The following LIN28B variants were observed in gnomAD, a reference collection of about 807,000 sequenced individuals.
LIN28B encodes the protein protein lin-28 homolog B.
A neutral mutation model predicts 21.9 loss-of-function variants in LIN28B; 5 were observed. That is an observed-to-expected ratio of 0.23 (90% CI 0.12 to 0.48). LIN28B has a LOEUF of 0.48. Among genes scored for constraint, LIN28B ranks in the 20% least tolerant of loss-of-function variants. The pLI, the probability that LIN28B is intolerant of heterozygous loss-of-function variation, is 0.98. For missense variants in LIN28B, 245 were observed against 310.5 expected, an observed-to-expected ratio of 0.79 and a Z score of 1.58; for synonymous variants, 109 against 111.3, an observed-to-expected ratio of 0.98 and a Z score of 0.13.
intron 3 of LIN28B, among the ~76,000 whole-genome samples, chr6:105,051,509 T>C: frequency 6.6e-6 from 1 of 151,834 alleles, no homozygotes; most frequent in East Asian, 1.9e-4. Flanking sequence ...GAATGTTGTA[T>C]ACTACATTCT....
chr6:105,007,111 T>C (rs532178062), intron 2 of LIN28B, among the ~76,000 whole-genome samples: 1 of 152,318 alleles, frequency 6.6e-6, no homozygotes, highest in African/African-American at 2.4e-5. Flanking sequence ...ATGGCTGTAA[T>C]ACTTGAGAAT....
At chr6:104,969,062 TAAC>T (rs1769919908) in intron 2 of LIN28B, among the ~76,000 whole-genome samples, 1 of 152,172 alleles carries the variant, frequency 6.6e-6, no homozygotes, top group Non-Finnish European at 1.5e-5. Context: ...GACATATACG[TAAC>T]ACAGCTCAGT....
intron 3 of LIN28B, among the ~76,000 whole-genome samples, chr6:105,038,687 A>C (rs1771573949): frequency 6.6e-6 from 1 of 152,220 alleles, no homozygotes; most frequent in Admixed American, 6.5e-5. Flanking sequence ...TAATATAAAC[A>C]AAGTTAGAGT....
rs1772568833 is a variant in LIN28B, at chr6:105,083,063, C to T, written c.*4280C>T. ...TTATCCTGTGTAGTATTTAGATTAC[C>T]TCATTGTCCATTTTGACTCATGTTG... On this transcript the variant is annotated 3_prime_UTR_variant, in exon 4 of 4. Coordinates refer to ENST00000345080, the MANE Select transcript of LIN28B (RefSeq NM_001004317.4). 6.6e-6 allele frequency: 1 copy of T among 152,450 alleles called. No homozygotes were observed. The highest frequency in any genetic ancestry group is 2.4e-5 in the African/African-American group (1 of 41,406). 9.4% of individuals were successfully genotyped at this position (152,450 alleles called of 1,614,324 possible).
At chr6:105,045,004 A>C (rs1206484378) in intron 3 of LIN28B, among the ~76,000 whole-genome samples, 1 of 152,054 alleles carries the variant, frequency 6.6e-6, no homozygotes, top group Non-Finnish European at 1.5e-5. Flanking sequence ...CTATCTCTTA[A>C]AAAAAATTTC....
At chr6:105,015,267 C>G (rs894596874) in intron 2 of LIN28B, among the ~76,000 whole-genome samples, 1 of 152,062 alleles carries the variant, frequency 6.6e-6, no homozygotes. Context: ...TTTAAAAATT[C>G]CATTATGAAA....
chr6:105,057,527 T>C (rs1415315059), intron 3 of LIN28B, among the ~76,000 whole-genome samples: 1 of 152,218 alleles, frequency 6.6e-6, no homozygotes, highest in African/African-American at 2.4e-5. Flanking sequence ...TTTTTCTTCC[T>C]CTTTCTGTAT....
chr6:105,058,819 G>A (rs979984544), intron 3 of LIN28B, among the ~76,000 whole-genome samples: 1 of 152,174 alleles, frequency 6.6e-6, no homozygotes, highest in Admixed American at 6.5e-5. Context: ...TTTTGCTCCT[G>A]TGGGTATTTT....
chr6:104,958,146 C>T lies in LIN28B; in HGVS notation c.58C>T (p.Pro20Ser), dbSNP rs574094487. The change falls in exon 2 of 4, where the codon CCG (proline) becomes TCG (serine). Residue 20 changes from proline to serine, a missense_variant. Coordinates refer to ENST00000345080, the MANE Select transcript of LIN28B (RefSeq NM_001004317.4). Reference sequence around the variant, plus strand: ...AGAAGAGCCCGGGAAGCTGCCGGAGCCGGCAGAGGAGGAATCCCAGGTTTT... The same window carrying T: ...AGAAGAGCCCGGGAAGCTGCCGGAGTCGGCAGAGGAGGAATCCCAGGTTTT... The part of the protein sequence containing the change: ...GGEEPGKLPE[P>S]AEEESQVLRG... 17 of 1,605,714 alleles carry T rather than the reference C, an allele frequency of 1.1e-5. No homozygotes were observed. The highest frequency in any genetic ancestry group is 1.4e-5 in the Non-Finnish European group (16 of 1,174,064).
intron 2 of LIN28B, among the ~76,000 whole-genome samples, chr6:104,989,576 G>GTTTTTTTTT (rs34394074): frequency 5.0e-5 from 3 of 60,574 alleles, no homozygotes; most frequent in African/African-American, 6.0e-5. Flanking sequence ...TTTTACTTGG[G>GTTTTTTTTT]TTTTTTTTTT....
At chr6:105,010,175 A>ACGAAACCC (rs1459403723) in intron 2 of LIN28B, among the ~76,000 whole-genome samples, 2 of 151,466 alleles carry the variant, frequency 1.3e-5, no homozygotes, top group Non-Finnish European at 2.9e-5. Flanking sequence ...GGGCAACATG[A>ACGAAACCC]CGAAACCCCG....
At chr6:105,020,445 T>C (rs1771115886) in intron 2 of LIN28B, among the ~76,000 whole-genome samples, 2 of 151,892 alleles carry the variant, frequency 1.3e-5, no homozygotes, top group African/African-American at 4.8e-5. Context: ...GCCTCCCTAG[T>C]AGCTGGGACG....
chr6:105,018,708 G>T (rs1771077690), intron 2 of LIN28B, among the ~76,000 whole-genome samples: 1 of 151,714 alleles, frequency 6.6e-6, no homozygotes, highest in African/African-American at 2.4e-5. Context: ...TCATGTATTT[G>T]CTTCCTTCCT....
chr6:104,992,036 C>G (rs1038169977), intron 2 of LIN28B, among the ~76,000 whole-genome samples: 9 of 151,004 alleles, frequency 6.0e-5, no homozygotes, highest in Admixed American at 5.3e-4. Context: ...GAATTTTAGT[C>G]TTTTAATTGG....
Position 105,082,463 on chromosome 6 carries a change from T to G in LIN28B, c.*3680T>G, listed in dbSNP as rs984865162. The G allele has an allele frequency of 1.3e-5, 2 of 152,684 alleles. No homozygotes were observed. The highest frequency in any genetic ancestry group is 2.4e-5 in the African/African-American group (1 of 41,470). 9.5% of individuals were successfully genotyped at this position (152,684 alleles called of 1,614,324 possible). Reference sequence around the variant, plus strand: ...ATCTCATTAAGTCTTAAAGTTAATTTAAATTAATTTATCTGTTTTCTCTAA... The same window carrying G: ...ATCTCATTAAGTCTTAAAGTTAATTGAAATTAATTTATCTGTTTTCTCTAA... On this transcript the variant is annotated 3_prime_UTR_variant, in exon 4 of 4. Transcript: ENST00000345080.
intron 2 of LIN28B, among the ~76,000 whole-genome samples, chr6:104,963,977 AGCTTATTTGTTATCT>A (rs1769805872): frequency 6.6e-6 from 1 of 152,202 alleles, no homozygotes; most frequent in Non-Finnish European, 1.5e-5. Context: ...AGAAATTAAA[AGCTTATTTGTTATCT>A]GCGTTCACCT....
At chr6:105,053,707 G>GCA (rs1771959954) in intron 3 of LIN28B, among the ~76,000 whole-genome samples, 1 of 112,650 alleles carries the variant, frequency 8.9e-6, no homozygotes, top group African/African-American at 3.7e-5. Context: ...TGGTGTGTGT[G>GCA]TGGGTGCGTG....
chr6:105,046,937 A>G (rs986799731), intron 3 of LIN28B, among the ~76,000 whole-genome samples: 4 of 151,962 alleles, frequency 2.6e-5, no homozygotes, highest in African/African-American at 4.8e-5. Flanking sequence ...AGATGAGTAG[A>G]TTGCAAAAAT....
chr6:104,943,652 T>A (rs1366613133), intron 2 of LIN28B, among the ~76,000 whole-genome samples: 1 of 152,204 alleles, frequency 6.6e-6, no homozygotes, highest in Non-Finnish European at 1.5e-5. Flanking sequence ...AGGTATTTTT[T>A]AATAGAATTT....
Sources: gnomAD v4.1 joint callset for allele counts (sites outside exome capture counted in the v4.1 genomes callset) on GRCh38, gnomAD v4.1.1 for gene constraint, MANE v1.5 for transcripts, NCBI Gene and HGNC (gene_info 2026-07-23, HGNC 2026-07-21) for gene names.